Variants in BMPR1B observed in about 807,000 individuals in gnomAD.
BMPR1B encodes the protein bone morphogenetic protein receptor type-1B.
BMPR1B carries 12 observed loss-of-function variants against 59.1 expected under a neutral mutation model. The observed-to-expected ratio is 0.20, with a 90% confidence interval of 0.13 to 0.33. The LOEUF is 0.33. BMPR1B is among the 10% of genes least tolerant of loss of function. BMPR1B has a pLI of 1.00. For missense variants in BMPR1B, 550 were observed against 610.9 expected (o/e 0.90, Z 1.05); for synonymous variants, 237 against 207.3 (o/e 1.14, Z -1.23).
At chr4:94,937,846 G>A (rs1484829675) in intron 2 of BMPR1B, among the ~76,000 whole-genome samples, 2 of 152,104 alleles carry the variant, frequency 1.3e-5, no homozygotes, top group East Asian at 1.9e-4. Flanking sequence ...GATAGTGAGG[G>A]AGTGAGATTG....
chr4:95,092,526 A>G (rs1203758718), intron 3 of BMPR1B, among the ~76,000 whole-genome samples: 1 of 152,114 alleles, frequency 6.6e-6, no homozygotes, highest in Non-Finnish European at 1.5e-5. Flanking sequence ...ATTGGTGATG[A>G]TAATAGTTGA....
At chr4:95,034,629 A>G (rs1422998864) in intron 3 of BMPR1B, among the ~76,000 whole-genome samples, 4 of 145,450 alleles carry the variant, frequency 2.8e-5, no homozygotes, top group African/African-American at 7.6e-5. Flanking sequence ...ATGGCTTAGT[A>G]GTATTCCATG....
intron 3 of BMPR1B, among the ~76,000 whole-genome samples, chr4:95,005,862 CAT>C (rs1322112373): frequency 5.3e-5 from 8 of 152,264 alleles, no homozygotes; most frequent in Admixed American, 2.6e-4. Flanking sequence ...GCAAGAAAAA[CAT>C]GTGTTATAAA....
chr4:94,944,299 C>T (rs547183861), intron 2 of BMPR1B, among the ~76,000 whole-genome samples: 44 of 152,076 alleles, frequency 2.9e-4, no homozygotes, highest in Non-Finnish European at 5.0e-4. Flanking sequence ...AAGAAATTCT[C>T]ACTTGGAAAT....
At chr4:94,935,974 A>AT (rs35225082) in intron 2 of BMPR1B, among the ~76,000 whole-genome samples, 28 of 151,698 alleles carry the variant, frequency 1.8e-4, no homozygotes, top group African/African-American at 6.5e-4. Context: ...CCTTGGATTA[A>AT]TTTTTTTTCC....
chr4:95,007,634 A>G (rs1722939420), intron 3 of BMPR1B, among the ~76,000 whole-genome samples: 3 of 152,226 alleles, frequency 2.0e-5, no homozygotes, highest in Admixed American at 2.0e-4. Flanking sequence ...AAAGGATTTT[A>G]AGACCTATTG....
At chr4:95,038,164 A>G (rs1183333348) in intron 3 of BMPR1B, among the ~76,000 whole-genome samples, 1 of 152,178 alleles carries the variant, frequency 6.6e-6, no homozygotes, top group Non-Finnish European at 1.5e-5. Flanking sequence ...TGAAGAGAAG[A>G]GCATTTTAGG....
intron 3 of BMPR1B, among the ~76,000 whole-genome samples, chr4:95,007,020 C>T (rs1323635396): frequency 6.6e-6 from 1 of 152,118 alleles, no homozygotes; most frequent in East Asian, 1.9e-4. Context: ...ACAAGGAAGA[C>T]AAGAGTCTGT....
At chr4:94,849,596 G>A (rs1015879043) in intron 1 of BMPR1B, among the ~76,000 whole-genome samples, 44 of 152,118 alleles carry the variant, frequency 2.9e-4, no homozygotes, top group African/African-American at 8.9e-4. Context: ...AAAGAGAGAA[G>A]GGGAAACTGC....
chr4:94,949,636 G>T (rs1238955873), intron 2 of BMPR1B, among the ~76,000 whole-genome samples: 1 of 147,320 alleles, frequency 6.8e-6, no homozygotes, highest in South Asian at 2.2e-4. Context: ...CTTTTTTATG[G>T]CTGCATAGTA....
At chr4:94,909,693 CT>C (rs1376874493) in intron 2 of BMPR1B, among the ~76,000 whole-genome samples, 21 of 151,954 alleles carry the variant, frequency 1.4e-4, no homozygotes, top group Non-Finnish European at 2.9e-4. Context: ...TTGTTTCTCC[CT>C]CTCACTATAA....
intron 2 of BMPR1B, among the ~76,000 whole-genome samples, chr4:94,934,698 G>A (rs1729223824): frequency 6.6e-6 from 1 of 151,986 alleles, no homozygotes. Flanking sequence ...CAACTTTTGT[G>A]TGCTTTCTGT....
intron 2 of BMPR1B, among the ~76,000 whole-genome samples, chr4:94,878,539 T>C (rs1011073609): frequency 6.6e-6 from 1 of 152,186 alleles, no homozygotes; most frequent in Admixed American, 6.5e-5. Flanking sequence ...CTCCTCCTCA[T>C]TGGCTGCTGT....
rs117699982 is a variant in BMPR1B at position 94,848,957 on chromosome 4, A to G, written c.-182-26874A>G. The stretch of plus-strand genomic sequence containing the variant: ...CTGAGAGGGACTGAGAGGTGAAGAC[A>G]TGGGTGAAACCAGAAATTCATTTTT... On this transcript the variant is annotated intron_variant, in intron 1 of 12. Coordinates refer to ENST00000515059, the MANE Select transcript of BMPR1B (RefSeq NM_001203.3). Among the ~76,000 whole-genome samples, 32 of 152,346 alleles carry G rather than the reference A, an allele frequency of 2.1e-4. 2 individuals carry two copies. The South Asian group carries it at 4.8e-3, about 23-fold the overall frequency.
intron 3 of BMPR1B, among the ~76,000 whole-genome samples, chr4:95,103,009 A>G (rs1730935767): frequency 6.6e-6 from 1 of 152,084 alleles, no homozygotes; most frequent in Non-Finnish European, 1.5e-5. Flanking sequence ...GCCCACTGCA[A>G]TCAACATTTT....
At chr4:94,841,207 T>C (rs530655521) in intron 1 of BMPR1B, among the ~76,000 whole-genome samples, 7 of 149,662 alleles carry the variant, frequency 4.7e-5, no homozygotes, top group African/African-American at 1.7e-4. Flanking sequence ...AGGTTACTGC[T>C]GTCTTTTTGT....
At chr4:94,929,285 A>G (rs1284644155) in intron 2 of BMPR1B, among the ~76,000 whole-genome samples, 2 of 152,102 alleles carry the variant, frequency 1.3e-5, no homozygotes, top group Non-Finnish European at 2.9e-5. Flanking sequence ...CAGTGGAGAA[A>G]CTAAACTAGA....
chr4:94,758,765 C>T (rs1414347970), intron 1 of BMPR1B, among the ~76,000 whole-genome samples: 2 of 151,884 alleles, frequency 1.3e-5, no homozygotes, highest in African/African-American at 2.4e-5. Flanking sequence ...CTTCCTTTCT[C>T]CCTTCCTCTC....
chr4:95,131,001 A>C (rs1733311872), intron 9 of BMPR1B, among the ~76,000 whole-genome samples: 1 of 152,020 alleles, frequency 6.6e-6, no homozygotes, highest in Non-Finnish European at 1.5e-5. Context: ...ATGTGCTTGG[A>C]TTACAGGTGT....
Sources: allele counts gnomAD v4.1 joint callset (sites outside exome capture counted in the v4.1 genomes callset), GRCh38; gene constraint gnomAD v4.1.1; transcripts MANE v1.5; gene names NCBI Gene and HGNC (gene_info 2026-07-23, HGNC 2026-07-21).